PPP1R42: variants seen among roughly 807,000 people sequenced by gnomAD.
PPP1R42 encodes leucine rich repeat containing 67.
PPP1R42 carries 34 observed loss-of-function variants against 31.0 expected under a neutral mutation model. The observed-to-expected ratio is 1.10, with a 90% CI of 0.83 to 1.46. The LOEUF (loss-of-function observed/expected upper bound fraction) is 1.46. PPP1R42 is among the 40% of genes most tolerant of loss of function. The probability of loss-of-function intolerance (pLI) is 0.00; values close to 1 mark genes in which losing one functional copy is unlikely to be tolerated. For synonymous variants in PPP1R42, 103 were observed against 109.8 expected (o/e 0.94, Z 0.39); for missense variants, 268 against 303.0 (o/e 0.88, Z 0.86).
At position 66,988,523 on chromosome 8, in the gene PPP1R42, A is replaced by G. The variant is rs1016484824; in HGVS notation, c.553-6T>C. 3 of 1,594,084 alleles carry G rather than the reference A, an allele frequency of 1.9e-6. No individual in the cohort carries two copies. The highest frequency in any genetic ancestry group is 2.6e-6 in the Non-Finnish European group (3 of 1,173,788). ...TTCAGTAAAAACTCCAAATCCTATAATTAGAGAAGAAAAAGCAAAGCACAA... is the reference window on the plus strand; with the variant it reads ...TTCAGTAAAAACTCCAAATCCTATAGTTAGAGAAGAAAAAGCAAAGCACAA... On this transcript the variant is annotated splice_region_variant and splice_polypyrimidine_tract_variant and intron_variant, in intron 5 of 7. Coordinates refer to ENST00000685739, the MANE Select transcript of PPP1R42 (RefSeq NM_001364910.1).
intron 1 of PPP1R42, among the ~76,000 whole-genome samples, chr8:67,024,709 C>T (rs1377168078): frequency 1.3e-5 from 2 of 151,944 alleles, no homozygotes; most frequent in African/African-American, 4.8e-5. Context: ...CATCTCCAGA[C>T]CTCGTGATCC....
At position 66,989,429 on chromosome 8, in the gene PPP1R42, A is replaced by G. The variant is rs548236997; in HGVS notation, c.553-912T>C. Among the ~76,000 whole-genome samples, 6 of 152,314 alleles carry G rather than the reference A, an allele frequency of 3.9e-5. 1 individual carries two copies. The highest frequency in any genetic ancestry group is 3.4e-3 in the Middle Eastern group (1 of 294). Reference sequence around the variant, plus strand: ...TTCTCCCCTTCCCCGCTTTCTAAAAAGTGTATTTTATCTTAACTGCTATTT... The same window carrying G: ...TTCTCCCCTTCCCCGCTTTCTAAAAGGTGTATTTTATCTTAACTGCTATTT... On this transcript the variant is annotated intron_variant, in intron 5 of 7. Coordinates refer to ENST00000685739, the MANE Select transcript of PPP1R42 (RefSeq NM_001364910.1).
At chr8:66,985,842 G>T in intron 6 of PPP1R42, 1 of 1,209,284 alleles carries the variant, frequency 8.3e-7, no homozygotes, top group Non-Finnish European at 1.2e-6. Context: ...TCTGATGGAG[G>T]CCCAGGGATC....
At chr8:66,972,690 G>A (rs182865230) in intron 7 of PPP1R42, among the ~76,000 whole-genome samples, 1 of 152,134 alleles carries the variant, frequency 6.6e-6, no homozygotes, top group Non-Finnish European at 1.5e-5. Context: ...GCACCTGGCC[G>A]AGACCATTTT....
intron 6 of PPP1R42, among the ~76,000 whole-genome samples, chr8:66,987,695 TAA>T (rs535755748): frequency 1.8e-3 from 273 of 152,306 alleles, no homozygotes; most frequent in African/African-American, 6.2e-3. Flanking sequence ...TTCATTTTAA[TAA>T]GTTTCTCTCA....
intron 1 of PPP1R42, among the ~76,000 whole-genome samples, chr8:67,018,537 C>T (rs1816089808): frequency 7.0e-6 from 1 of 143,612 alleles, no homozygotes; most frequent in Non-Finnish European, 1.5e-5. Flanking sequence ...TTTTTTGAGA[C>T]GACTCTCGCT....
Position 66,982,144 on chromosome 8 carries a change from C to A in PPP1R42, c.707G>T (p.Arg236Ile). ...LDGKEIKNIE[R>I]QFLMNWKASK... ...TGCTTTCCAATTCATTAGGAATTGT[C>A]TTTCTATATTTTTAATTTCTTTTCC... Residue 236 changes from arginine (R) to isoleucine (I), a missense_variant, in exon 7 of 8, where the codon AGA (arginine) becomes ATA (isoleucine). Transcript: ENST00000685739. 1.4e-6 allele frequency: 2 copies of A among 1,462,158 alleles called. No homozygotes were observed. Among genetic ancestry groups the A allele is most frequent in the Non-Finnish European group, 1.8e-6 (2 of 1,119,344 alleles). The allele number at this position is 1,462,158 out of a possible 1,614,324, so 90.6% of individuals were successfully genotyped here. A position where few individuals can be genotyped will look rare whatever the true frequency, so the allele number is the denominator to read the frequency against.
chr8:66,994,722 T>C (rs1815287768), intron 5 of PPP1R42, among the ~76,000 whole-genome samples: 1 of 152,224 alleles, frequency 6.6e-6, no homozygotes, highest in Admixed American at 6.5e-5. Context: ...TATGGAGTAA[T>C]CTATTACAAT....
chr8:67,021,818 A>G (rs1445295347), intron 1 of PPP1R42, among the ~76,000 whole-genome samples: 3 of 152,154 alleles, frequency 2.0e-5, no homozygotes, highest in African/African-American at 7.2e-5. Context: ...TAATGATATT[A>G]TTCTGTCTTT....
At chr8:66,970,717 C>A (rs528437315) in intron 7 of PPP1R42, 1 of 438,366 alleles carries the variant, frequency 2.3e-6, no homozygotes, top group Non-Finnish European at 4.4e-6. Context: ...TGGGACTTTT[C>A]GGAGTCTCCT....
At chr8:66,979,221 T>C (rs1175174939) in intron 7 of PPP1R42, among the ~76,000 whole-genome samples, 2 of 152,202 alleles carry the variant, frequency 1.3e-5, no homozygotes, top group Admixed American at 6.5e-5. Flanking sequence ...ACTGAGTTGA[T>C]TTTTGCTTAG....
At chr8:66,977,592 GC>G (rs1299264512) in intron 7 of PPP1R42, among the ~76,000 whole-genome samples, 1 of 152,018 alleles carries the variant, frequency 6.6e-6, no homozygotes, top group Non-Finnish European at 1.5e-5. Flanking sequence ...TGCAGCCTCC[GC>G]CTTCCAGGTT....
Position 66,982,067 on chromosome 8 carries a change from C to T in PPP1R42, c.784G>A (p.Ala262Thr), listed in dbSNP as rs772815508. 5.5e-6 allele frequency: 8 copies of T among 1,462,292 alleles called. No individual in the cohort carries two copies. The South Asian group carries it at 1.2e-4, about 21-fold the overall frequency. The allele number at this position is 1,462,292 out of a possible 1,614,324, so 90.6% of individuals were successfully genotyped here. Residue 262 changes from alanine (A) to threonine (T), a missense_variant, in exon 7 of 8, where the codon GCA (alanine) becomes ACA (threonine). Transcript: ENST00000685739. The part of the protein sequence containing the change: ...SKKRSSKNED[A>T]SNSLIRISL ...TGCTTACTTATGAGTGAATTGCTTG[C>T]ATCCTCATTTTTACTGCTCCTTTTT...
chr8:67,007,162 G>A (rs1208205465), intron 5 of PPP1R42, among the ~76,000 whole-genome samples: 1 of 152,052 alleles, frequency 6.6e-6, no homozygotes, highest in African/African-American at 2.4e-5. Context: ...ACAGGCGTGA[G>A]CCACTGTGCC....
chr8:66,988,956 T>TA lies in PPP1R42; in HGVS notation c.553-440dup, dbSNP rs1031051820. ...GAATGCATATTCATTTTTTAAGTGTTAAAAAAAAAAGACCAAAAAACAAAC... is the reference window on the plus strand; with the variant it reads ...GAATGCATATTCATTTTTTAAGTGTTAAAAAAAAAAAGACCAAAAAACAAAC... On this transcript the variant is annotated intron_variant, in intron 5 of 7. Coordinates refer to ENST00000685739, the MANE Select transcript of PPP1R42 (RefSeq NM_001364910.1). 1.2e-3 allele frequency among the ~76,000 whole-genome samples: 178 copies of TA among 146,106 alleles called. 2 individuals are homozygous for TA. Among genetic ancestry groups the TA allele is most frequent in the East Asian group, 3.6e-3 (18 of 5,046 alleles).
chr8:67,019,143 T>G (rs2129537101), intron 1 of PPP1R42, among the ~76,000 whole-genome samples: 1 of 147,688 alleles, frequency 6.8e-6, no homozygotes, highest in South Asian at 2.2e-4. Context: ...AGCCATGCAC[T>G]GCAATCTTTG....
At chr8:66,982,683 C>T (rs1814878969) in intron 6 of PPP1R42, among the ~76,000 whole-genome samples, 1 of 152,168 alleles carries the variant, frequency 6.6e-6, no homozygotes, top group South Asian at 2.1e-4. Flanking sequence ...GCCTGGAACT[C>T]CTGAGCTTAA....
chr8:67,017,497 C>CAA (rs1195531158), intron 2 of PPP1R42, 122 bp downstream of exon 2: 19 of 475,080 alleles, frequency 4.0e-5, no homozygotes, highest in Middle Eastern at 1.3e-3. Flanking sequence ...GACTCTATCT[C>CAA]AAAAAAAAAA....
intron 7 of PPP1R42, among the ~76,000 whole-genome samples, chr8:66,972,304 TA>T (rs1049989344): frequency 3.9e-5 from 6 of 152,176 alleles, no homozygotes; most frequent in Non-Finnish European, 8.8e-5. Context: ...CAAGGAAGAA[TA>T]ACCAAGTACT....
Sources: allele counts gnomAD v4.1 joint callset (sites outside exome capture counted in the v4.1 genomes callset), GRCh38; gene constraint gnomAD v4.1.1; transcripts MANE v1.5; gene names NCBI Gene and HGNC (gene_info 2026-07-23, HGNC 2026-07-21).